The following PHF21A variants were observed in gnomAD, a reference collection of about 807,000 sequenced individuals.
The protein encoded by PHF21A is PHD finger protein 21A.
Under a neutral mutation model 82.5 loss-of-function variants are expected in PHF21A, and 11 were observed. The observed-to-expected ratio is 0.13, with a 90% CI of 0.08 to 0.22. The LOEUF is 0.22. Among genes scored for constraint, PHF21A ranks in the 10% least tolerant of loss-of-function variants. PHF21A has a pLI of 1.00. For synonymous variants in PHF21A, 297 were observed against 302.8 expected (o/e 0.98, Z 0.20); for missense variants, 579 against 837.8 (o/e 0.69, Z 3.81).
intron 5 of PHF21A, among the ~76,000 whole-genome samples, chr11:46,078,105 T>C (rs1036953178): frequency 2.0e-5 from 3 of 151,982 alleles, no homozygotes; most frequent in Non-Finnish European, 2.9e-5. Flanking sequence ...CCAATTTAAA[T>C]TGTGACTATA....
At chr11:46,076,633 G>A in intron 6 of PHF21A, 121 bp downstream of exon 6, 1 of 729,160 alleles carries the variant, frequency 1.4e-6, no homozygotes, top group Non-Finnish European at 2.3e-6. Flanking sequence ...TTAAAACCAA[G>A]TCTGGCTGCC....
chr11:46,103,474 C>G (rs1221322813), intron 1 of PHF21A, among the ~76,000 whole-genome samples: 1 of 152,096 alleles, frequency 6.6e-6, no homozygotes, highest in Non-Finnish European at 1.5e-5. Flanking sequence ...CCAAAGTACA[C>G]CACTTTATTT....
At chr11:46,032,129 G>A (rs1368743133) in intron 6 of PHF21A, among the ~76,000 whole-genome samples, 1 of 152,134 alleles carries the variant, frequency 6.6e-6, no homozygotes, top group East Asian at 1.9e-4. Flanking sequence ...AGATAGCCTA[G>A]AGCAATGTCC....
At chr11:46,007,474 C>T (rs2095322114) in intron 6 of PHF21A, among the ~76,000 whole-genome samples, 1 of 151,962 alleles carries the variant, frequency 6.6e-6, no homozygotes, top group African/African-American at 2.4e-5. Context: ...CGACCATGTC[C>T]AGCTTATTTT....
chr11:45,955,384 A>G (rs925319315), intron 10 of PHF21A, among the ~76,000 whole-genome samples: 1 of 152,168 alleles, frequency 6.6e-6, no homozygotes, highest in African/African-American at 2.4e-5. Flanking sequence ...TGACATTTTA[A>G]AGTCCTGGAT....
chr11:46,111,053 G>A (rs1269985881), intron 1 of PHF21A, among the ~76,000 whole-genome samples: 1 of 151,610 alleles, frequency 6.6e-6, no homozygotes, highest in East Asian at 2.0e-4. Flanking sequence ...CCAAAGAGCT[G>A]GGATTACAGG....
intron 1 of PHF21A, among the ~76,000 whole-genome samples, chr11:46,097,533 T>C (rs561365260): frequency 2.2e-4 from 34 of 152,278 alleles, no homozygotes; most frequent in African/African-American, 7.9e-4. Flanking sequence ...AATACTAAAA[T>C]AAAGACTAAA....
intron 6 of PHF21A, among the ~76,000 whole-genome samples, chr11:46,018,469 G>GA (rs1197161603): frequency 6.6e-6 from 1 of 152,126 alleles, no homozygotes; most frequent in African/African-American, 2.4e-5. Flanking sequence ...AAAAAGAAAA[G>GA]AATCTCCTTA....
intron 6 of PHF21A, among the ~76,000 whole-genome samples, chr11:46,056,992 A>T (rs1447097510): frequency 6.7e-6 from 1 of 149,040 alleles, no homozygotes; most frequent in Non-Finnish European, 1.5e-5. Context: ...TAAATATAGT[A>T]AAAAAAAAAG....
chr11:46,080,167 G>T (rs2932510), intron 4 of PHF21A, among the ~76,000 whole-genome samples: 3 of 151,822 alleles, frequency 2.0e-5, no homozygotes, highest in South Asian at 2.1e-4. Flanking sequence ...CTAACTACTA[G>T]TTTTTTTTTG....
At chr11:45,985,701 A>G (rs2094467581) in intron 6 of PHF21A, among the ~76,000 whole-genome samples, 1 of 152,188 alleles carries the variant, frequency 6.6e-6, no homozygotes, top group Non-Finnish European at 1.5e-5. Flanking sequence ...AATTAGACAA[A>G]TAGTTTCTTT....
chr11:45,964,547 A>G (rs2093319411), intron 10 of PHF21A, among the ~76,000 whole-genome samples: 1 of 152,210 alleles, frequency 6.6e-6, no homozygotes, highest in Non-Finnish European at 1.5e-5. Context: ...ACAATTAGAA[A>G]TAGGTCGATG....
chr11:46,062,495 T>C (rs1215039355), intron 6 of PHF21A, among the ~76,000 whole-genome samples: 1 of 152,190 alleles, frequency 6.6e-6, no homozygotes, highest in Non-Finnish European at 1.5e-5. Context: ...ATTGTTCCTT[T>C]ATTTCTAGCA....
At chr11:46,119,242 A>T (rs1375605766) in intron 1 of PHF21A, among the ~76,000 whole-genome samples, 2 of 152,298 alleles carry the variant, frequency 1.3e-5, no homozygotes, top group South Asian at 2.1e-4. Flanking sequence ...ACCGACTATT[A>T]GCAAAAATGC....
intron 1 of PHF21A, among the ~76,000 whole-genome samples, chr11:46,108,922 A>C (rs540208628): frequency 4.6e-5 from 7 of 152,318 alleles, no homozygotes; most frequent in African/African-American, 7.2e-5. Flanking sequence ...CAATGGATAT[A>C]CAAGGATAAA....
At chr11:46,022,352 T>G (rs2095648594) in intron 6 of PHF21A, among the ~76,000 whole-genome samples, 1 of 152,092 alleles carries the variant, frequency 6.6e-6, no homozygotes, top group African/African-American at 2.4e-5. Context: ...TTACTCAGGA[T>G]GCTGAGGTAG....
rs147308885 is a variant in PHF21A, at chr11:46,081,030, C to G, written c.55-1864G>C. On this transcript the variant is annotated intron_variant, in intron 4 of 18. Coordinates refer to ENST00000676320, the MANE Select transcript of PHF21A (RefSeq NM_001352027.3). Reference sequence around the variant, plus strand: ...GCTGTTTCAGACCTGCTGTGTGGTACGCTCACTGGACTAATTTTAAAAAGA... The same window carrying G: ...GCTGTTTCAGACCTGCTGTGTGGTAGGCTCACTGGACTAATTTTAAAAAGA... Among the ~76,000 whole-genome samples, 20 of 152,298 alleles carry G rather than the reference C, an allele frequency of 1.3e-4. No homozygotes were observed. In the East Asian group the frequency reaches 3.7e-3, roughly 28 times the overall value.
intron 6 of PHF21A, among the ~76,000 whole-genome samples, chr11:46,056,254 G>C (rs1208682830): frequency 6.6e-6 from 1 of 152,098 alleles, no homozygotes; most frequent in African/African-American, 2.4e-5. Context: ...TCTCAAGAGA[G>C]TCAATAATTC....
chr11:46,061,977 C>T (rs1290798511), intron 6 of PHF21A, among the ~76,000 whole-genome samples: 1 of 152,196 alleles, frequency 6.6e-6, no homozygotes, highest in Non-Finnish European at 1.5e-5. Context: ...CTGGAAATCA[C>T]TGCTTTTCAG....
Sources: gnomAD v4.1 joint callset for allele counts (sites outside exome capture counted in the v4.1 genomes callset) on GRCh38, gnomAD v4.1.1 for gene constraint, MANE v1.5 for transcripts, NCBI Gene and HGNC (gene_info 2026-07-23, HGNC 2026-07-21) for gene names.